Variants in CDH4 observed in about 807,000 individuals in gnomAD.
CDH4 encodes the protein cadherin-4.
In CDH4, 33 loss-of-function variants were observed where a neutral mutation model predicts 86.0. The observed-to-expected ratio is 0.38, with a 90% CI of 0.29 to 0.51. CDH4 has a LOEUF of 0.51. Among genes scored for constraint, CDH4 ranks in the 20% least tolerant of loss-of-function variants. The pLI is 0.86. For missense variants in CDH4, 1,114 were observed against 1,307.4 expected (o/e 0.85, Z 2.28); for synonymous variants, 555 against 549.4 (o/e 1.01, Z -0.14).
At chr20:61,560,069 G>A (rs535122781) in intron 2 of CDH4, among the ~76,000 whole-genome samples, 31 of 152,248 alleles carry the variant, frequency 2.0e-4, no homozygotes, top group African/African-American at 7.0e-4. Flanking sequence ...AGAGGAGATC[G>A]ACCCTGCCAC....
rs2087516895 is a variant in CDH4, at chr20:61,681,774, C to A, written c.170-61789C>A. On this transcript the variant is annotated intron_variant, in intron 2 of 15. Coordinates refer to ENST00000614565, the MANE Select transcript of CDH4 (RefSeq NM_001794.5). This position sits in a 1 kb window ranked among gnomAD's most constrained non-coding sequence, Gnocchi z 4.5. ...GCGTCGGTGTTGCTGTGTTCTCAGG[C>A]CCGTGCAGCTGACATTCCTTTGGCT... 6.6e-6 allele frequency among the ~76,000 whole-genome samples: 1 copy of A among 152,174 alleles called. No individual in the cohort carries two copies.
intron 2 of CDH4, among the ~76,000 whole-genome samples, chr20:61,457,204 G>A (rs1232054287): frequency 1.3e-5 from 2 of 152,286 alleles, no homozygotes; most frequent in East Asian, 3.9e-4. Context: ...GGTCATGGTG[G>A]TGGCTGCAGT....
chr20:61,821,696 G>C (rs908631132), intron 4 of CDH4, among the ~76,000 whole-genome samples: 6 of 152,242 alleles, frequency 3.9e-5, no homozygotes, highest in Admixed American at 2.0e-4. Context: ...AGACCCTTGG[G>C]GGGGTCTACT....
intron 4 of CDH4, among the ~76,000 whole-genome samples, chr20:61,785,632 CAGAGCCCCCACCCAGGTGTGT>C (rs1303634564): frequency 4.6e-5 from 7 of 151,436 alleles, no homozygotes; most frequent in South Asian, 2.1e-4. Context: ...CCCAGGTTTG[CAGAGCCCCCACCCAGGTGTGT>C]AGAGCCCCCA....
In CDH4 at chr20:61,933,229, C is replaced by T. The variant is rs575923647; in HGVS notation, c.2379+105C>T. 1.6e-5 allele frequency: 23 copies of T among 1,429,256 alleles called. No homozygotes were observed. In the South Asian group the frequency reaches 2.6e-4, roughly 16 times the overall value. The allele number at this position is 1,429,256 out of a possible 1,614,324, so 88.5% of individuals were successfully genotyped here. ...GGGTTTAACAGTAAGACATTTCAAC[C>T]TTTTCACCAGTGAAGGTGCCAGGCA... is the stretch of plus-strand genomic sequence containing the variant. On this transcript the variant is annotated intron_variant, in intron 14 of 15. Coordinates refer to ENST00000614565, the MANE Select transcript of CDH4 (RefSeq NM_001794.5).
Position 61,611,657 on chromosome 20 carries a change from G to A in CDH4, c.170-131906G>A, listed in dbSNP as rs111834016. ...AGCTTTTCTGCCAACCCACTAGCATGAGCGATTCCTCCTGGACTTGGCAAA... is the reference window on the plus strand; with the variant it reads ...AGCTTTTCTGCCAACCCACTAGCATAAGCGATTCCTCCTGGACTTGGCAAA... On this transcript the variant is annotated intron_variant, in intron 2 of 15. Transcript: ENST00000614565. 6.1e-3 allele frequency among the ~76,000 whole-genome samples: 926 copies of A among 152,244 alleles called. 6 individuals are homozygous for A. The highest frequency in any genetic ancestry group is 0.024 in the Middle Eastern group (7 of 294).
intron 2 of CDH4, among the ~76,000 whole-genome samples, chr20:61,683,367 A>G (rs933935550): frequency 6.6e-5 from 10 of 152,218 alleles, no homozygotes; most frequent in Non-Finnish European, 1.3e-4. Flanking sequence ...CTTCACAAAG[A>G]AAGTCTCCAG....
At chr20:61,924,288 C>A in intron 10 of CDH4, 46 bp from the exon 11 acceptor site, 1 of 1,564,412 alleles carries the variant, frequency 6.4e-7, no homozygotes, top group Non-Finnish European at 8.7e-7. Flanking sequence ...AGGGCAGCCC[C>A]GCCCACCCCC....
In CDH4 at chr20:61,283,048, C is replaced by T. The variant is rs1389635455; in HGVS notation, c.169+28111C>T. Reference sequence around the variant, plus strand: ...TGTGTGATGTACGTGCGTTTGCACGCGCGTGCTGTGGCGTGTGTGATGTAC... The same window carrying T: ...TGTGTGATGTACGTGCGTTTGCACGTGCGTGCTGTGGCGTGTGTGATGTAC... On this transcript the variant is annotated intron_variant, in intron 2 of 15. Transcript: ENST00000614565. 2.6e-4 allele frequency among the ~76,000 whole-genome samples: 2 copies of T among 7,830 alleles called. 1 individual carries two copies. The highest frequency in any genetic ancestry group is 8.4e-4 in the African/African-American group (2 of 2,394). The allele number at this position is 7,830 out of a possible 152,430, so 5.1% of individuals were successfully genotyped here.
chr20:61,483,638 G>A (rs892755540), intron 2 of CDH4, among the ~76,000 whole-genome samples: 41 of 152,040 alleles, frequency 2.7e-4, no homozygotes, highest in African/African-American at 9.2e-4. Context: ...ACTGGGATGA[G>A]AAGGAACCTG....
At chr20:61,406,295 CCA>C (rs2085081867) in intron 2 of CDH4, among the ~76,000 whole-genome samples, 4 of 149,404 alleles carry the variant, frequency 2.7e-5, no homozygotes, top group African/African-American at 9.9e-5. Context: ...TCTGCCCGGA[CCA>C]GCATCTGCTC....
Position 61,480,587 on chromosome 20 carries a change from G to C in CDH4, c.169+225650G>C, listed in dbSNP as rs1318415586. ...CCTGACCGGGGCCTGGTGGCTGGCT[G>C]CCTGCTAGGCTGACACAGGGGAAGG... On this transcript the variant is annotated intron_variant, in intron 2 of 15. Transcript: ENST00000614565. The surrounding 1 kb of genome is among the most constrained non-coding windows in gnomAD (Gnocchi z 5.2). 6.6e-6 allele frequency among the ~76,000 whole-genome samples: 1 copy of C among 152,240 alleles called. No homozygotes were observed. Among genetic ancestry groups the C allele is most frequent in the Non-Finnish European group, 1.5e-5 (1 of 68,038 alleles).
At chr20:61,649,415 T>G (rs1317307594) in intron 2 of CDH4, among the ~76,000 whole-genome samples, 1 of 152,220 alleles carries the variant, frequency 6.6e-6, no homozygotes, top group Non-Finnish European at 1.5e-5. Flanking sequence ...CTCCCTCACT[T>G]CTTTTTAAAC....
chr20:61,741,246 G>A (rs1266022868), intron 2 of CDH4, among the ~76,000 whole-genome samples: 1 of 152,162 alleles, frequency 6.6e-6, no homozygotes, highest in Non-Finnish European at 1.5e-5. Context: ...GAAAGCCAGT[G>A]TGCAGGGGCC....
At chr20:61,325,855 G>A (rs1273030480) in intron 2 of CDH4, among the ~76,000 whole-genome samples, 2 of 152,196 alleles carry the variant, frequency 1.3e-5, no homozygotes, top group African/African-American at 4.8e-5. Context: ...CCAACACCAT[G>A]TGTGCTTCTT....
intron 3 of CDH4, among the ~76,000 whole-genome samples, chr20:61,764,685 G>A (rs907952745): frequency 2.0e-5 from 3 of 152,144 alleles, no homozygotes; most frequent in Non-Finnish European, 4.4e-5. Flanking sequence ...TGGCAGTTTT[G>A]CAGCACCTTC....
intron 2 of CDH4, among the ~76,000 whole-genome samples, chr20:61,315,227 G>A (rs1412222266): frequency 6.6e-6 from 1 of 152,104 alleles, no homozygotes; most frequent in Non-Finnish European, 1.5e-5. Flanking sequence ...GATCTGGATG[G>A]GGTCAGTGAG....
At chr20:61,583,817 C>T (rs1036456741) in intron 2 of CDH4, among the ~76,000 whole-genome samples, 28 of 152,206 alleles carry the variant, frequency 1.8e-4, no homozygotes, top group African/African-American at 6.8e-4. Context: ...CTGGATGGAC[C>T]AGCCCGTACA....
chr20:61,843,587 C>T (rs569215964), intron 4 of CDH4, among the ~76,000 whole-genome samples: 4 of 151,246 alleles, frequency 2.6e-5, no homozygotes, highest in East Asian at 1.9e-4. Context: ...CCAGCTACTC[C>T]GGGGCTGAGG....
Sources: gnomAD v4.1 joint callset for allele counts (sites outside exome capture counted in the v4.1 genomes callset) on GRCh38, gnomAD v4.1.1 for gene constraint, Gnocchi (gnomAD v3.1) non-coding constraint, MANE v1.5 for transcripts, NCBI Gene and HGNC (gene_info 2026-07-23, HGNC 2026-07-21) for gene names.